Variants in CNBD1 observed in about 807,000 individuals in gnomAD.
The protein encoded by CNBD1 is cyclic nucleotide binding domain containing 1.
CNBD1 carries 71 observed loss-of-function variants against 54.4 expected under a neutral mutation model. That is an observed-to-expected ratio of 1.30 (90% CI 1.08 to 1.59). The LOEUF (loss-of-function observed/expected upper bound fraction) is 1.59. Ranked by LOEUF, CNBD1 falls within the 40% of genes most tolerant of loss-of-function variation. The pLI is 0.00. For synonymous variants in CNBD1, 182 were observed against 170.7 expected (o/e 1.07, Z -0.51); for missense variants, 659 against 518.0 (o/e 1.27, Z -2.64).
chr8:87,258,884 C>T (rs1349961452), intron 6 of CNBD1, among the ~76,000 whole-genome samples: 1 of 152,146 alleles, frequency 6.6e-6, no homozygotes, highest in Non-Finnish European at 1.5e-5. Flanking sequence ...AATATTTTCA[C>T]ACAGAGTGTT....
At chr8:86,946,438 T>C (rs945357441) in intron 4 of CNBD1, among the ~76,000 whole-genome samples, 1 of 152,102 alleles carries the variant, frequency 6.6e-6, no homozygotes, top group Admixed American at 6.6e-5. Context: ...TAAGCAAACA[T>C]CTATTATAAT....
chr8:87,355,078 G>GT (rs1296118975), intron 10 of CNBD1, among the ~76,000 whole-genome samples: 1 of 152,116 alleles, frequency 6.6e-6, no homozygotes, highest in Non-Finnish European at 1.5e-5. Flanking sequence ...TGCTGGATGA[G>GT]TTTTTTAAAA....
At chr8:87,231,284 G>C (rs1335322133) in intron 5 of CNBD1, among the ~76,000 whole-genome samples, 1 of 152,044 alleles carries the variant, frequency 6.6e-6, no homozygotes, top group African/African-American at 2.4e-5. Context: ...ATAACACACT[G>C]TAGTCTTATT....
At position 87,040,429 on chromosome 8, in the gene CNBD1, T is replaced by C. The variant is rs541023497; in HGVS notation, c.431+100675T>C. ...GTTGTAATGAATTCTTTTTCTTTTT[T>C]TTTTTTTTTTTTGAGACAGAGTCTT... On this transcript the variant is annotated intron_variant, in intron 4 of 10. Transcript: ENST00000518476. Among the ~76,000 whole-genome samples the C allele has an allele frequency of 8.0e-5, 12 of 149,998 alleles. No homozygotes were observed. The South Asian group carries it at 8.4e-4, about 11-fold the overall frequency.
At chr8:86,884,601 C>T (rs1808654191) in intron 1 of CNBD1, among the ~76,000 whole-genome samples, 1 of 152,116 alleles carries the variant, frequency 6.6e-6, no homozygotes, top group Non-Finnish European at 1.5e-5. Context: ...AATCACTAAT[C>T]CAAGTATATA....
chr8:87,314,512 C>A (rs921906368), intron 8 of CNBD1, among the ~76,000 whole-genome samples: 21 of 151,772 alleles, frequency 1.4e-4, no homozygotes, highest in African/African-American at 5.1e-4. Flanking sequence ...TACATTCTTA[C>A]AGTAAACACC....
intron 10 of CNBD1, among the ~76,000 whole-genome samples, chr8:87,373,361 A>G (rs1810859159): frequency 6.6e-6 from 1 of 151,812 alleles, no homozygotes; most frequent in African/African-American, 2.4e-5. Flanking sequence ...CACAAGTAAC[A>G]TAATTTGGAG....
chr8:86,928,127 C>T (rs549502995), intron 3 of CNBD1, among the ~76,000 whole-genome samples: 50 of 152,112 alleles, frequency 3.3e-4, no homozygotes, highest in Non-Finnish European at 7.4e-5. Flanking sequence ...AGCTCTGTTC[C>T]CTTGTCTCTG....
chr8:87,225,039 C>T (rs1005803556), intron 5 of CNBD1, among the ~76,000 whole-genome samples: 2 of 151,728 alleles, frequency 1.3e-5, no homozygotes, highest in African/African-American at 4.8e-5. Flanking sequence ...ATTTGGCTCT[C>T]TGTTTGTCTG....
At chr8:87,299,162 T>A (rs1316640293) in intron 8 of CNBD1, among the ~76,000 whole-genome samples, 1 of 152,140 alleles carries the variant, frequency 6.6e-6, no homozygotes, top group Non-Finnish European at 1.5e-5. Flanking sequence ...AGTACAAAAA[T>A]CTGGGTTTTA....
intron 9 of CNBD1, 52 bp from the exon 10 acceptor site, chr8:87,353,584 T>G (rs923703118): frequency 8.5e-7 from 1 of 1,181,568 alleles, no homozygotes; most frequent in African/African-American, 1.6e-5. Flanking sequence ...CAATACTGAT[T>G]CATTATATGG....
At chr8:87,388,971 A>C (rs896042225) in intron 2 of CNBD1, among the ~76,000 whole-genome samples, 1 of 152,202 alleles carries the variant, frequency 6.6e-6, no homozygotes, top group Non-Finnish European at 1.5e-5. Context: ...ATTGTAATCC[A>C]GCATATAAAC....
chr8:87,262,004 AT>A (rs772875046), intron 6 of CNBD1, among the ~76,000 whole-genome samples: 1 of 151,854 alleles, frequency 6.6e-6, no homozygotes, highest in Non-Finnish European at 1.5e-5. Context: ...AAATACAAAA[AT>A]TAGCCTGACG....
At chr8:86,968,225 A>G (rs2130485079) in intron 4 of CNBD1, among the ~76,000 whole-genome samples, 1 of 152,128 alleles carries the variant, frequency 6.6e-6, no homozygotes, top group Non-Finnish European at 1.5e-5. Flanking sequence ...ATTTCAAACC[A>G]TTTTTTTGTT....
chr8:86,969,807 C>T (rs1165857621), intron 4 of CNBD1, among the ~76,000 whole-genome samples: 1 of 151,050 alleles, frequency 6.6e-6, no homozygotes, highest in Non-Finnish European at 1.5e-5. Flanking sequence ...CACACACACA[C>T]ACACACACAC....
intron 10 of CNBD1, among the ~76,000 whole-genome samples, chr8:87,359,687 G>A (rs572965630): frequency 3.1e-4 from 47 of 151,982 alleles, no homozygotes; most frequent in African/African-American, 1.1e-3. Flanking sequence ...AAATAACATA[G>A]GACAGGACTC....
intron 4 of CNBD1, among the ~76,000 whole-genome samples, chr8:87,194,502 C>T (rs897550139): frequency 2.0e-5 from 3 of 152,152 alleles, no homozygotes; most frequent in African/African-American, 7.2e-5. Context: ...TAATATGTCA[C>T]CAGTATTGTA....
At chr8:87,203,989 G>GT (rs925142516) in intron 4 of CNBD1, among the ~76,000 whole-genome samples, 1 of 152,120 alleles carries the variant, frequency 6.6e-6, no homozygotes, top group Non-Finnish European at 1.5e-5. Context: ...CCTTAGATCT[G>GT]TTTTTTGGGA....
intron 2 of CNBD1, among the ~76,000 whole-genome samples, chr8:87,410,279 T>A (rs1223080990): frequency 1.3e-5 from 2 of 152,290 alleles, no homozygotes; most frequent in Non-Finnish European, 2.9e-5. Context: ...GATTTTCAAG[T>A]CATATTATTT....
Sources: gnomAD v4.1 joint callset for allele counts (sites outside exome capture counted in the v4.1 genomes callset) on GRCh38, gnomAD v4.1.1 for gene constraint, MANE v1.5 for transcripts, NCBI Gene and HGNC (gene_info 2026-07-23, HGNC 2026-07-21) for gene names.